Variants in RALGPS1 observed in about 807,000 individuals in gnomAD.
RALGPS1 encodes the protein Ral GEF with PH domain and SH3 binding motif 1.
In RALGPS1, 19 loss-of-function variants were observed where a neutral mutation model predicts 78.8. The ratio of observed to expected loss-of-function variants is 0.24; its 90% confidence interval spans 0.17 to 0.35. The LOEUF (loss-of-function observed/expected upper bound fraction) is 0.35. Ranked by LOEUF, RALGPS1 falls within the 10% of genes least tolerant of loss-of-function variation. The pLI, the probability that RALGPS1 is intolerant of heterozygous loss-of-function variation, is 1.00. For synonymous variants in RALGPS1, 228 were observed against 256.3 expected (o/e 0.89, Z 1.06); for missense variants, 454 against 688.3 (o/e 0.66, Z 3.81).
At chr9:127,174,810 A>G (rs1299033635) in intron 11 of RALGPS1, 28 bp downstream of exon 11, 35 of 1,601,234 alleles carry the variant, frequency 2.2e-5, no homozygotes, top group Non-Finnish European at 2.8e-5. Context: ...AGTGGGAGCA[A>G]ACCCACTTAA....
chr9:127,067,018 C>G (rs1044765173), intron 7 of RALGPS1, among the ~76,000 whole-genome samples: 3 of 152,090 alleles, frequency 2.0e-5, no homozygotes, highest in Admixed American at 2.0e-4. Flanking sequence ...TACTATATCT[C>G]TCTCCTGTGT....
intron 6 of RALGPS1, among the ~76,000 whole-genome samples, chr9:127,052,105 GA>G (rs756291770): frequency 2.6e-4 from 40 of 152,190 alleles, no homozygotes; most frequent in Non-Finnish European, 5.6e-4. Flanking sequence ...GAAGGATTAG[GA>G]CACACAAGTA....
intron 8 of RALGPS1, among the ~76,000 whole-genome samples, chr9:127,160,471 G>C (rs771660968): frequency 3.3e-5 from 5 of 152,212 alleles, no homozygotes; most frequent in Admixed American, 6.5e-5. Context: ...TGGCACTCAT[G>C]TGGCAGCTAC....
intron 1 of RALGPS1, among the ~76,000 whole-genome samples, chr9:126,920,899 G>A (rs868255435): frequency 4.1e-4 from 62 of 152,332 alleles, no homozygotes; most frequent in African/African-American, 1.4e-3. Flanking sequence ...GCAGACCCGG[G>A]TTCAAATCCT....
At chr9:126,941,130 G>GCCCC (rs11434207) in intron 1 of RALGPS1, among the ~76,000 whole-genome samples, 92 of 150,254 alleles carry the variant, frequency 6.1e-4, no homozygotes, top group African/African-American at 2.1e-3. Flanking sequence ...TCTCATATAC[G>GCCCC]CCCCCCCCCT....
chr9:127,011,359 A>C (rs1403518137), intron 4 of RALGPS1, among the ~76,000 whole-genome samples: 2 of 151,774 alleles, frequency 1.3e-5, no homozygotes, highest in African/African-American at 4.8e-5. Context: ...TTGTGTTTTT[A>C]GTGGAGGTGG....
At chr9:127,037,587 C>T (rs892697880) in intron 5 of RALGPS1, among the ~76,000 whole-genome samples, 2 of 152,226 alleles carry the variant, frequency 1.3e-5, no homozygotes, top group African/African-American at 2.4e-5. Flanking sequence ...GGGACAGTAC[C>T]ATCTGAACTT....
chr9:127,176,043 C>T (rs1174014092), intron 11 of RALGPS1, among the ~76,000 whole-genome samples: 1 of 152,162 alleles, frequency 6.6e-6, no homozygotes, highest in African/African-American at 2.4e-5. Context: ...TTTCCAGCCT[C>T]TCCTGGCTGC....
chr9:127,167,504 C>T (rs559866106), intron 9 of RALGPS1, among the ~76,000 whole-genome samples: 81 of 152,346 alleles, frequency 5.3e-4, no homozygotes, highest in African/African-American at 1.7e-3. Context: ...TGAAGGTTTT[C>T]TCATGCATGA....
intron 14 of RALGPS1, among the ~76,000 whole-genome samples, chr9:127,199,983 A>T (rs2061545314): frequency 6.6e-6 from 1 of 152,012 alleles, no homozygotes. Flanking sequence ...TGTACACTTG[A>T]ACTCACCTAT....
chr9:127,098,022 C>T (rs1428326595), intron 8 of RALGPS1, among the ~76,000 whole-genome samples: 2 of 152,194 alleles, frequency 1.3e-5, no homozygotes, highest in Non-Finnish European at 2.9e-5. Flanking sequence ...CTTTCTGTTT[C>T]CTTTGATAGA....
At chr9:126,926,475 T>C (rs1246690339) in intron 1 of RALGPS1, among the ~76,000 whole-genome samples, 1 of 152,070 alleles carries the variant, frequency 6.6e-6, no homozygotes, top group East Asian at 1.9e-4. Context: ...GGAGGGAGTA[T>C]GATGTGCTTC....
intron 11 of RALGPS1, among the ~76,000 whole-genome samples, chr9:127,193,467 G>A (rs1363061115): frequency 6.6e-6 from 1 of 151,910 alleles, no homozygotes. Flanking sequence ...AAGGAGGGGG[G>A]ACAGCAGAGA....
intron 8 of RALGPS1, among the ~76,000 whole-genome samples, chr9:127,081,967 G>C (rs934072532): frequency 2.0e-5 from 3 of 152,224 alleles, no homozygotes; most frequent in African/African-American, 7.2e-5. Flanking sequence ...ATTCAGGAGA[G>C]ACACGGATAT....
chr9:126,977,597 A>C lies in RALGPS1; in HGVS notation c.166-98A>C, dbSNP rs1056202426. Reference sequence around the variant, plus strand: ...TCTTGTTTTTTATCTCAAAGGGGAAAGTATAACTTTTATGAGTGTATATGA... The same window carrying C: ...TCTTGTTTTTTATCTCAAAGGGGAACGTATAACTTTTATGAGTGTATATGA... On this transcript the variant is annotated intron_variant, in intron 3 of 18. Coordinates refer to ENST00000259351, the MANE Select transcript of RALGPS1 (RefSeq NM_014636.3). 5.3e-5 allele frequency: 39 copies of C among 734,712 alleles called. No individual in the cohort carries two copies. The African/African-American group carries it at 6.8e-4, about 13-fold the overall frequency. 45.5% of individuals were successfully genotyped at this position (734,712 alleles called of 1,614,324 possible).
Position 127,222,603 on chromosome 9 carries a change from C to T in RALGPS1, c.*3834C>T, listed in dbSNP as rs1163209784. Reference sequence around the variant, plus strand: ...ACAAGCGTGTACACCCCCTGGGCAGCCTCAAAACCCCGCTTACAGCAGCAA... The same window carrying T: ...ACAAGCGTGTACACCCCCTGGGCAGTCTCAAAACCCCGCTTACAGCAGCAA... On this transcript the variant is annotated 3_prime_UTR_variant, in exon 19 of 19. Coordinates refer to ENST00000259351, the MANE Select transcript of RALGPS1 (RefSeq NM_014636.3). 6.6e-6 allele frequency: 1 copy of T among 152,460 alleles called. No homozygotes were observed. The highest frequency in any genetic ancestry group is 1.5e-5 in the Non-Finnish European group (1 of 68,042). 9.4% of individuals were successfully genotyped at this position (152,460 alleles called of 1,614,324 possible). A position where few individuals can be genotyped will look rare whatever the true frequency, so the allele number is the denominator to read the frequency against.
intron 1 of RALGPS1, among the ~76,000 whole-genome samples, chr9:126,935,621 A>G (rs1458797574): frequency 4.3e-5 from 6 of 139,788 alleles, no homozygotes; most frequent in African/African-American, 1.2e-4. Flanking sequence ...TAACAACACT[A>G]TAAGTAACTC....
At chr9:127,132,875 T>A in intron 8 of RALGPS1, among the ~76,000 whole-genome samples, 1 of 152,212 alleles carries the variant, frequency 6.6e-6, no homozygotes, top group East Asian at 1.9e-4. Flanking sequence ...TTCATCCTCA[T>A]CCTCACCCTG....
rs2062667339 is a variant in RALGPS1 at position 127,218,013 on chromosome 9, G to A, written c.1645-727G>A. Among the ~76,000 whole-genome samples the A allele has an allele frequency of 6.6e-6, 1 of 152,188 alleles. No homozygotes were observed. On this transcript the variant is annotated intron_variant, in intron 18 of 18. Coordinates refer to ENST00000259351, the MANE Select transcript of RALGPS1 (RefSeq NM_014636.3). The surrounding 1 kb of genome is among the most constrained non-coding windows in gnomAD (Gnocchi z 4.4). ...TCTTATAACTGTCTCCTGGTACATGGAGATGCATTTTTTTCCTAATTCATA... is the reference window on the plus strand; with the variant it reads ...TCTTATAACTGTCTCCTGGTACATGAAGATGCATTTTTTTCCTAATTCATA...
Sources: allele counts gnomAD v4.1 joint callset (sites outside exome capture counted in the v4.1 genomes callset), GRCh38; gene constraint gnomAD v4.1.1; non-coding constraint Gnocchi (gnomAD v3.1); transcripts MANE v1.5; gene names NCBI Gene and HGNC (gene_info 2026-07-23, HGNC 2026-07-21).